Variants in CDK14 observed in about 807,000 individuals in gnomAD.
CDK14 encodes the protein cyclin dependent kinase 14.
CDK14 carries 34 observed loss-of-function variants against 60.7 expected under a neutral mutation model. The observed-to-expected ratio is 0.56, with a 90% CI of 0.43 to 0.75. The LOEUF (loss-of-function observed/expected upper bound fraction) is 0.75, where lower values mean the gene tolerates loss of function less well. CDK14 is among the 30% of genes least tolerant of loss of function. The pLI, the probability that CDK14 is intolerant of heterozygous loss-of-function variation, is 0.00. For synonymous variants in CDK14, 197 were observed against 203.7 expected (o/e 0.97, Z 0.28); for missense variants, 482 against 564.1 (o/e 0.85, Z 1.47).
intron 14 of CDK14, among the ~76,000 whole-genome samples, chr7:91,202,534 G>T (rs1802763628): frequency 6.6e-6 from 1 of 152,192 alleles, no homozygotes; most frequent in Non-Finnish European, 1.5e-5. Context: ...TGTGATTGTA[G>T]TATACCCTCT....
At chr7:90,973,297 T>C (rs1385459935) in intron 9 of CDK14, among the ~76,000 whole-genome samples, 5 of 152,114 alleles carry the variant, frequency 3.3e-5, no homozygotes, top group Non-Finnish European at 7.4e-5. Context: ...CATAATAGTC[T>C]AAGTTTGATG....
chr7:90,758,434 G>A (rs903922483), intron 4 of CDK14, among the ~76,000 whole-genome samples: 39 of 152,068 alleles, frequency 2.6e-4, no homozygotes, highest in African/African-American at 8.0e-4. Flanking sequence ...ATTATGCATC[G>A]TATAATACTT....
At chr7:90,718,713 CTG>C (rs1222318581) in intron 2 of CDK14, among the ~76,000 whole-genome samples, 1 of 152,136 alleles carries the variant, frequency 6.6e-6, no homozygotes, top group Non-Finnish European at 1.5e-5. Flanking sequence ...ACTGCCATCT[CTG>C]TGTATACACA....
chr7:91,035,483 C>T (rs560993423), intron 10 of CDK14, among the ~76,000 whole-genome samples: 1 of 152,288 alleles, frequency 6.6e-6, no homozygotes, highest in Admixed American at 6.5e-5. Context: ...CACAATGTAG[C>T]ACTTAATCTA....
intron 2 of CDK14, among the ~76,000 whole-genome samples, chr7:90,654,647 T>A (rs1166647054): frequency 2.0e-5 from 3 of 152,250 alleles, no homozygotes; most frequent in East Asian, 1.9e-4. Context: ...GTCAGTTTTT[T>A]AAAAAAATTA....
In CDK14 at chr7:90,729,344, G is replaced by GTTTTTTTTTTTTTTTT. The variant is rs1237046149; in HGVS notation, c.369+2544_369+2559dup. The stretch of plus-strand genomic sequence containing the variant: ...TGCCTTGGATCATGTAGGTATCAAG[G>GTTTTTTTTTTTTTTTT]TTTTTTTTTTTTTTTTTTTTTTTTT... On this transcript the variant is annotated intron_variant, in intron 3 of 14. Transcript: ENST00000380050. Among the ~76,000 whole-genome samples the GTTTTTTTTTTTTTTTT allele has an allele frequency of 1.8e-4, 8 of 45,214 alleles. 2 individuals carry two copies. Among genetic ancestry groups the GTTTTTTTTTTTTTTTT allele is most frequent in the Admixed American group, 3.8e-4 (1 of 2,658 alleles). The allele number at this position is 45,214 out of a possible 152,430, so 29.7% of individuals were successfully genotyped here. A position where few individuals can be genotyped will look rare whatever the true frequency, so the allele number is the denominator to read the frequency against.
In CDK14 at chr7:90,779,192, G is replaced by T. The variant is rs562463669; in HGVS notation, c.465-11381G>T. Reference sequence around the variant, plus strand: ...TGCTTGAACCCAGGAGGCAGAGGTTGCAGTGAGCCGAGATTGCGCCATTGT... The same window carrying T: ...TGCTTGAACCCAGGAGGCAGAGGTTTCAGTGAGCCGAGATTGCGCCATTGT... On this transcript the variant is annotated intron_variant, in intron 4 of 14. Coordinates refer to ENST00000380050, the MANE Select transcript of CDK14 (RefSeq NM_001287135.2). Among the ~76,000 whole-genome samples, 44 of 152,234 alleles carry T rather than the reference G, an allele frequency of 2.9e-4. No individual in the cohort carries two copies. In the South Asian group the frequency reaches 8.9e-3, roughly 31 times the overall value.
intron 5 of CDK14, among the ~76,000 whole-genome samples, chr7:90,841,147 A>G (rs981577396): frequency 1.3e-5 from 2 of 152,064 alleles, no homozygotes; most frequent in Admixed American, 1.3e-4. Context: ...TAATCAGGGT[A>G]AAAAAAAGTT....
chr7:91,010,964 C>T (rs75191274), intron 10 of CDK14, among the ~76,000 whole-genome samples: 14,494 of 150,278 alleles, frequency 0.096, 1,056 homozygotes, highest in East Asian at 0.36. Flanking sequence ...TGTTCTTAAA[C>T]TCAGGTGAAA....
intron 2 of CDK14, among the ~76,000 whole-genome samples, chr7:90,635,051 A>C (rs1348998489): frequency 1.3e-5 from 2 of 152,080 alleles, no homozygotes; most frequent in Non-Finnish European, 2.9e-5. Context: ...TCAGATGAGT[A>C]GGTTGTGAAA....
chr7:90,633,973 A>G (rs967131034), intron 2 of CDK14, among the ~76,000 whole-genome samples: 1 of 152,148 alleles, frequency 6.6e-6, no homozygotes, highest in Non-Finnish European at 1.5e-5. Flanking sequence ...TTAATTGAAT[A>G]CGTGTCTTTT....
At chr7:90,954,618 C>CTTTTTTTTTT (rs1190916427) in intron 8 of CDK14, among the ~76,000 whole-genome samples, 6 of 27,066 alleles carry the variant, frequency 2.2e-4, no homozygotes, top group East Asian at 7.0e-4. Flanking sequence ...AAACTTTTTT[C>CTTTTTTTTTT]TTTTTTTTTT....
chr7:90,637,812 G>A (rs1465738549), intron 2 of CDK14, among the ~76,000 whole-genome samples: 1 of 141,292 alleles, frequency 7.1e-6, no homozygotes, highest in Admixed American at 7.3e-5. Context: ...ATGAATCTGG[G>A]TGCTCCTGTA....
At position 90,646,300 on chromosome 7, in the gene CDK14, CTT is replaced by C. The variant is rs56994508; in HGVS notation, c.123+42066_123+42067del. Among the ~76,000 whole-genome samples the C allele has an allele frequency of 3.3e-3, 468 of 143,160 alleles. 2 individuals are homozygous for C. Among genetic ancestry groups the C allele is most frequent in the East Asian group, 0.028 (137 of 4,902 alleles). The allele number at this position is 143,160 out of a possible 152,430, so 93.9% of individuals were successfully genotyped here. ...AGAGGCATACTGACAGTATGAAGGA[CTT>C]TTTTTTTTTTTTTTAATTCTGCTGG... is the stretch of plus-strand genomic sequence containing the variant. On this transcript the variant is annotated intron_variant, in intron 2 of 14. Coordinates refer to ENST00000380050, the MANE Select transcript of CDK14 (RefSeq NM_001287135.2).
intron 9 of CDK14, among the ~76,000 whole-genome samples, chr7:90,969,129 C>T (rs1345700661): frequency 2.6e-5 from 4 of 152,134 alleles, no homozygotes; most frequent in Non-Finnish European, 5.9e-5. Context: ...AAAATGGACC[C>T]TGTTAATCTG....
At chr7:91,010,895 A>G (rs1796141931) in intron 10 of CDK14, among the ~76,000 whole-genome samples, 2 of 123,406 alleles carry the variant, frequency 1.6e-5, no homozygotes, top group East Asian at 2.4e-4. Flanking sequence ...TTTGCCTTAT[A>G]CTGGCTAGAA....
intron 5 of CDK14, among the ~76,000 whole-genome samples, chr7:90,803,208 G>A (rs1322378541): frequency 6.6e-6 from 1 of 151,972 alleles, no homozygotes; most frequent in African/African-American, 2.4e-5. Flanking sequence ...CTCCTGCCTG[G>A]AAGATTTCAG....
intron 5 of CDK14, among the ~76,000 whole-genome samples, chr7:90,806,689 A>G (rs2374363): frequency 0.91 from 138,293 of 152,292 alleles, 62,899 homozygotes; most frequent in East Asian, 1. Context: ...CCTGGGAAGC[A>G]CAAGAGGTCA....
At chr7:91,040,437 G>T (rs1415489609) in intron 10 of CDK14, among the ~76,000 whole-genome samples, 1 of 152,164 alleles carries the variant, frequency 6.6e-6, no homozygotes, top group Non-Finnish European at 1.5e-5. Flanking sequence ...TTCCAGATCC[G>T]AAAGTAGTAC....
Sources: allele counts gnomAD v4.1 joint callset (sites outside exome capture counted in the v4.1 genomes callset), GRCh38; gene constraint gnomAD v4.1.1; transcripts MANE v1.5; gene names NCBI Gene and HGNC (gene_info 2026-07-23, HGNC 2026-07-21).